The following THRB variants were observed in gnomAD, a reference collection of about 807,000 sequenced individuals.
THRB encodes nuclear receptor subfamily 1 group A member 2.
In THRB, 12 loss-of-function variants were observed where a neutral mutation model predicts 47.8. That is an observed-to-expected ratio of 0.25 (90% CI 0.16 to 0.41). THRB has a LOEUF of 0.41. THRB is among the 10% of genes least tolerant of loss of function. THRB has a pLI of 1.00. For missense variants in THRB, 348 were observed against 589.2 expected, an observed-to-expected ratio of 0.59 and a Z score of 4.24; for synonymous variants, 218 against 212.2, an observed-to-expected ratio of 1.03 and a Z score of -0.24.
intron 3 of THRB, among the ~76,000 whole-genome samples, chr3:24,244,692 G>T (rs1167265723): frequency 6.6e-6 from 1 of 152,160 alleles, no homozygotes. Flanking sequence ...CTGCTGATGG[G>T]CAATTGCTCC....
chr3:24,297,558 G>A (rs2056549824), intron 2 of THRB, among the ~76,000 whole-genome samples, 187 bp from the exon 3 acceptor site: 1 of 152,222 alleles, frequency 6.6e-6, no homozygotes, highest in Non-Finnish European at 1.5e-5. Context: ...GAAACATATA[G>A]TAAGCACTTG....
At chr3:24,351,099 T>C (rs906098474) in intron 1 of THRB, among the ~76,000 whole-genome samples, 4 of 152,116 alleles carry the variant, frequency 2.6e-5, no homozygotes. Context: ...AGCAGAAATT[T>C]TTTTCTTGTG....
chr3:24,249,342 T>G (rs1294972204), intron 3 of THRB, among the ~76,000 whole-genome samples: 1 of 152,204 alleles, frequency 6.6e-6, no homozygotes, highest in Non-Finnish European at 1.5e-5. Flanking sequence ...AGTGGATAGT[T>G]TGGCATATTC....
chr3:24,336,964 C>A (rs578138179), intron 2 of THRB, among the ~76,000 whole-genome samples: 3 of 151,996 alleles, frequency 2.0e-5, no homozygotes, highest in Non-Finnish European at 2.9e-5. Context: ...CCTCATGATC[C>A]GCCTGCCTTT....
upstream of THRB, chr3:24,495,143 G>A (rs541249106): frequency 6.6e-6 from 1 of 152,156 alleles, no homozygotes; most frequent in Non-Finnish European, 1.5e-5. Context: ...TCCGGGCCCG[G>A]GGCGCCTGCT....
intron 4 of THRB, among the ~76,000 whole-genome samples, chr3:24,203,501 A>T (rs2044853847): frequency 6.6e-6 from 1 of 152,194 alleles, no homozygotes; most frequent in South Asian, 2.1e-4. Flanking sequence ...GATGTTTGGG[A>T]AGTTGAGAGA....
Position 24,439,993 on chromosome 3 carries a change from T to C in THRB, c.-261+54659A>G, listed in dbSNP as rs115977452. Among the ~76,000 whole-genome samples, 491 of 152,314 alleles carry C rather than the reference T, an allele frequency of 3.2e-3. 2 individuals are homozygous for C. Among genetic ancestry groups the C allele is most frequent in the Middle Eastern group, 0.01 (3 of 294 alleles). On this transcript the variant is annotated intron_variant, in intron 1 of 10. Transcript: ENST00000646209. ...ATCCTTTTTGTTTGGGACACAGCAGTTCAATTAATGCAGTCTAAAATTAAC... is the reference window on the plus strand; with the variant it reads ...ATCCTTTTTGTTTGGGACACAGCAGCTCAATTAATGCAGTCTAAAATTAAC...
At chr3:24,492,230 G>C (rs1698256233) in intron 1 of THRB, among the ~76,000 whole-genome samples, 1 of 152,232 alleles carries the variant, frequency 6.6e-6, no homozygotes, top group Non-Finnish European at 1.5e-5. Context: ...GAAAATAAGA[G>C]TGAGTGAGGC....
At chr3:24,491,236 C>T (rs1211033409) in intron 1 of THRB, among the ~76,000 whole-genome samples, 1 of 152,078 alleles carries the variant, frequency 6.6e-6, no homozygotes, top group Non-Finnish European at 1.5e-5. Context: ...ATCTTTCTTC[C>T]CCTCCCATTT....
intron 1 of THRB, among the ~76,000 whole-genome samples, chr3:24,417,266 G>A (rs1199075323): frequency 1.3e-5 from 2 of 151,984 alleles, no homozygotes; most frequent in East Asian, 3.9e-4. Flanking sequence ...GTAGGCTTGA[G>A]AGAACACGCT....
chr3:24,357,664 A>T (rs922619265), intron 1 of THRB, among the ~76,000 whole-genome samples: 2 of 151,892 alleles, frequency 1.3e-5, no homozygotes, highest in African/African-American at 4.8e-5. Context: ...TTTTCATATC[A>T]ATATACTCAA....
chr3:24,190,657 G>A lies in THRB; in HGVS notation c.23-323C>T, dbSNP rs192525366. Among the ~76,000 whole-genome samples, 425 of 152,080 alleles carry A rather than the reference G, an allele frequency of 2.8e-3. 2 individuals are homozygous for A. The highest frequency in any genetic ancestry group is 5.2e-3 in the East Asian group (27 of 5,170). ...GGAGCAAGTTTACACACCAATTTAC[G>A]TTACTGCTTAGATGACCATTTGAGG... On this transcript the variant is annotated intron_variant, in intron 4 of 10. Coordinates refer to ENST00000646209, the MANE Select transcript of THRB (RefSeq NM_001354712.2).
chr3:24,190,168 C>G lies in THRB; in HGVS notation c.189G>C (p.Trp63Cys), dbSNP rs780068828. 1 of 1,614,098 alleles carries G rather than the reference C, an allele frequency of 6.2e-7. No homozygotes were observed. The highest frequency in any genetic ancestry group is 8.5e-7 in the Non-Finnish European group (1 of 1,179,996). Reference protein sequence around the residue: ...QSSPHLIQTTWTSSIFHLDHD... With the variant: ...QSSPHLIQTTCTSSIFHLDHD... ...GGTCCAGATGGAATATTGAGCTAGT[C>G]CAAGTGGTCTGGATGAGATGTGGCG... Residue 63 changes from tryptophan (W) to cysteine (C), a missense_variant, in exon 5 of 11, where the codon TGG becomes TGC. Physicochemically the swap from Trp to Cys is radical, Grantham distance 215. Coordinates refer to ENST00000646209, the MANE Select transcript of THRB (RefSeq NM_001354712.2).
chr3:24,220,208 TG>T (rs1405531407), intron 4 of THRB, among the ~76,000 whole-genome samples: 2 of 151,970 alleles, frequency 1.3e-5, no homozygotes, highest in Non-Finnish European at 2.9e-5. Flanking sequence ...GCTCCTAGAG[TG>T]GCCAGGTGTG....
At chr3:24,176,872 T>C (rs1231128129) in intron 5 of THRB, among the ~76,000 whole-genome samples, 2 of 152,132 alleles carry the variant, frequency 1.3e-5, no homozygotes, top group Admixed American at 1.3e-4. Context: ...CTGATGATGG[T>C]TGCATGCCTC....
At chr3:24,286,334 C>A (rs1312612698) in intron 3 of THRB, among the ~76,000 whole-genome samples, 1 of 152,146 alleles carries the variant, frequency 6.6e-6, no homozygotes, top group African/African-American at 2.4e-5. Context: ...CTAAGGAAAG[C>A]ATTATATTTT....
At chr3:24,141,256 C>A (rs556786426) in intron 8 of THRB, among the ~76,000 whole-genome samples, 2 of 152,278 alleles carry the variant, frequency 1.3e-5, no homozygotes, top group East Asian at 3.9e-4. Flanking sequence ...CTGTTAGGAG[C>A]CTTTAAGTGA....
At chr3:24,216,055 G>T (rs1323370601) in intron 4 of THRB, among the ~76,000 whole-genome samples, 1 of 152,174 alleles carries the variant, frequency 6.6e-6, no homozygotes, top group Non-Finnish European at 1.5e-5. Context: ...TTTGCTAATA[G>T]ACGCTTTACA....
At chr3:24,128,339 G>C (rs528956162) in intron 9 of THRB, among the ~76,000 whole-genome samples, 6 of 152,348 alleles carry the variant, frequency 3.9e-5, no homozygotes, top group African/African-American at 1.4e-4. Context: ...CTTGAAGGCA[G>C]AGGGGAGAGC....
Sources: gnomAD v4.1 joint callset for allele counts (sites outside exome capture counted in the v4.1 genomes callset) on GRCh38, gnomAD v4.1.1 for gene constraint, MANE v1.5 for transcripts, NCBI Gene and HGNC (gene_info 2026-07-23, HGNC 2026-07-21) for gene names.